FRMPD3: variants seen among roughly 807,000 people sequenced by gnomAD.
FRMPD3 encodes FERM and PDZ domain-containing protein 3.
In FRMPD3, 42 loss-of-function variants were observed where a neutral mutation model predicts 97.9. The observed-to-expected ratio is 0.43, with a 90% CI of 0.34 to 0.55. The LOEUF is 0.55. FRMPD3 is among the 20% of genes least tolerant of loss of function. The pLI is 0.03. For missense variants in FRMPD3, 1,303 were observed against 1,457.7 expected (o/e 0.89, Z 1.73); for synonymous variants, 577 against 581.1 (o/e 0.99, Z 0.10).
Position 107,598,135 on chromosome X carries a change from G to T in FRMPD3, c.2256G>T (p.Gln752His). Residue 752 changes from glutamine to histidine, a missense_variant, in exon 14 of 15, where the codon CAG becomes CAT. Around this residue, in one of 3 missense-constraint regions of FRMPD3, gnomAD observed 535 missense variants for 618.6 expected, o/e 0.86. Transcript: ENST00000683843. Reference protein sequence around the residue: ...SEDGPHPPPPQTAGLIVLATI... With the variant: ...SEDGPHPPPPHTAGLIVLATI... ...ATGGACCACACCCACCACCCCCACA[G>T]ACTGCAGGTAATGACCGATTCCTTC... 1 of 1,200,906 alleles carries T rather than the reference G, an allele frequency of 8.3e-7. No individual in the cohort carries two copies. Among genetic ancestry groups the T allele is most frequent in the Non-Finnish European group, 1.1e-6 (1 of 888,079 alleles).
intron 4 of FRMPD3, among the ~76,000 whole-genome samples, chrX:107,537,373 G>C (rs996242296): frequency 9.0e-6 from 1 of 111,633 alleles, no homozygotes; most frequent in South Asian, 3.7e-4. Flanking sequence ...ATATAGCAGT[G>C]CACAGGACAA....
chrX:107,549,675 A>C (rs1310083207), intron 5 of FRMPD3, among the ~76,000 whole-genome samples: 1 of 111,581 alleles, frequency 9.0e-6, no homozygotes, highest in East Asian at 2.8e-4. Flanking sequence ...AGCTTTGTAG[A>C]AGGTGTTTAA....
At chrX:107,465,694 C>T (rs1009970138) in intron 1 of FRMPD3, among the ~76,000 whole-genome samples, 1 of 111,266 alleles carries the variant, frequency 9.0e-6, no homozygotes, top group Admixed American at 9.5e-5. Flanking sequence ...TCCCTATGGC[C>T]TGGTGGTTGA....
At chrX:107,577,001 A>G (rs1354582438) in intron 13 of FRMPD3, among the ~76,000 whole-genome samples, 4 of 108,772 alleles carry the variant, frequency 3.7e-5, no homozygotes, top group Non-Finnish European at 7.6e-5. Flanking sequence ...CACATGCTGA[A>G]TACTCTCAAC....
In FRMPD3 at chrX:107,539,284, C is replaced by G. The variant is rs188369583; in HGVS notation, c.297+5734C>G. Among the ~76,000 whole-genome samples, 16 of 111,733 alleles carry G rather than the reference C, an allele frequency of 1.4e-4. No homozygotes were observed. In the East Asian group the frequency reaches 4.5e-3, roughly 31 times the overall value. ...GAGTTCTTTCCCAGGGCCCCTCAAA[C>G]CATACTGCATAGATAGCCACTTAAT... is the stretch of plus-strand genomic sequence containing the variant. On this transcript the variant is annotated intron_variant, in intron 4 of 14. Transcript: ENST00000683843.
intron 1 of FRMPD3, among the ~76,000 whole-genome samples, chrX:107,517,282 G>A (rs1029932947): frequency 3.6e-5 from 4 of 112,059 alleles, no homozygotes; most frequent in African/African-American, 1.3e-4. Flanking sequence ...GGGTACAGAT[G>A]TAGACAGGGT....
At chrX:107,575,497 T>C (rs1412133138) in intron 12 of FRMPD3, among the ~76,000 whole-genome samples, 1 of 110,067 alleles carries the variant, frequency 9.1e-6, no homozygotes, top group East Asian at 2.9e-4. Flanking sequence ...GTCACCCAGG[T>C]TGGAGTGCAA....
intron 12 of FRMPD3, among the ~76,000 whole-genome samples, chrX:107,572,905 CTACTAA>C (rs1922952848): frequency 3.9e-5 from 4 of 101,637 alleles, no homozygotes; most frequent in Admixed American, 2.1e-4. Context: ...ACTACTACTA[CTACTAA>C]TAATAATAAT....
intron 13 of FRMPD3, among the ~76,000 whole-genome samples, chrX:107,580,988 G>T (rs180986522): frequency 7.2e-5 from 8 of 111,800 alleles, no homozygotes; most frequent in Non-Finnish European, 1.5e-4. Flanking sequence ...CTTAGTCTCA[G>T]TTTCCTCATA....
At chrX:107,516,072 G>T (rs1922318827) in intron 1 of FRMPD3, among the ~76,000 whole-genome samples, 1 of 86,689 alleles carries the variant, frequency 1.2e-5, no homozygotes, top group African/African-American at 4.6e-5. Flanking sequence ...TCCCCTTCCT[G>T]TGTCCATGTG....
intron 6 of FRMPD3, among the ~76,000 whole-genome samples, chrX:107,551,750 C>T (rs957574046): frequency 8.9e-6 from 1 of 112,351 alleles, no homozygotes; most frequent in Non-Finnish European, 1.9e-5. Context: ...ATTGGCTGTC[C>T]ACAATCCCAG....
chrX:107,598,406 T>TACA (rs1330447008), intron 14 of FRMPD3, among the ~76,000 whole-genome samples: 47 of 112,265 alleles, frequency 4.2e-4, no homozygotes, highest in African/African-American at 1.4e-3. Context: ...ATTGGGGTCA[T>TACA]GACAGCTATG....
intron 12 of FRMPD3, among the ~76,000 whole-genome samples, chrX:107,573,174 A>G (rs1387626913): frequency 1.8e-5 from 2 of 111,895 alleles, no homozygotes; most frequent in Non-Finnish European, 3.8e-5. Flanking sequence ...CGAGAGGCTC[A>G]GTATCTCAGC....
At chrX:107,473,224 G>T (rs1001694244) in intron 1 of FRMPD3, among the ~76,000 whole-genome samples, 2 of 111,961 alleles carry the variant, frequency 1.8e-5, no homozygotes, top group Admixed American at 1.9e-4. Flanking sequence ...TCCCAAATCT[G>T]GCCTTTCTCT....
At chrX:107,556,916 G>A (rs1004832413) in intron 8 of FRMPD3, among the ~76,000 whole-genome samples, 3 of 112,166 alleles carry the variant, frequency 2.7e-5, no homozygotes, top group African/African-American at 9.7e-5. Context: ...TTACAATAAA[G>A]CTTCTATGAA....
rs756442780 is a variant in FRMPD3, at chrX:107,560,427, C to T, written c.899+34C>T. The T allele has an allele frequency of 1.6e-5, 19 of 1,196,394 alleles. No individual in the cohort carries two copies. The Admixed American group carries it at 3.1e-4, about 20-fold the overall frequency. ...TGCTGCGGCCCGTTGGGATGGGGGG[C>T]GAATAGTTGCGTAGGGAAAAGGTAC... On this transcript the variant is annotated intron_variant, in intron 9 of 14. Coordinates refer to ENST00000683843, the MANE Select transcript of FRMPD3 (RefSeq NM_001388459.1).
At chrX:107,561,685 C>T (rs1390446359) in intron 10 of FRMPD3, among the ~76,000 whole-genome samples, 2 of 112,501 alleles carry the variant, frequency 1.8e-5, no homozygotes, top group Non-Finnish European at 1.9e-5. Flanking sequence ...ACATATGGGA[C>T]GCAATCGCCC....
intron 11 of FRMPD3, among the ~76,000 whole-genome samples, chrX:107,563,977 T>C (rs1437063173): frequency 1.8e-5 from 2 of 112,177 alleles, no homozygotes; most frequent in Non-Finnish European, 3.8e-5. Context: ...TCCAGGTGCT[T>C]GTCTTGCTCC....
chrX:107,488,571 C>T (rs189684479), intron 1 of FRMPD3, among the ~76,000 whole-genome samples: 64 of 112,078 alleles, frequency 5.7e-4, no homozygotes, highest in Admixed American at 5.2e-3. Context: ...TATAGAGACA[C>T]CGTTACCACA....
Sources: gnomAD v4.1 joint callset for allele counts (sites outside exome capture counted in the v4.1 genomes callset) on GRCh38, gnomAD v4.1.1 for gene constraint, gnomAD v4.1.1 regional missense constraint, MANE v1.5 for transcripts, NCBI Gene and HGNC (gene_info 2026-07-23, HGNC 2026-07-21) for gene names.